Variants in TMCO6 observed in about 807,000 individuals in gnomAD.
TMCO6 encodes the protein transmembrane and coiled-coil domain-containing protein 6.
In TMCO6, 47 loss-of-function variants were observed where a neutral mutation model predicts 61.8. That is an observed-to-expected ratio of 0.76 (90% CI 0.60 to 0.97). TMCO6 has a LOEUF of 0.97. Ranked by LOEUF, TMCO6 falls within the 50% of genes least tolerant of loss-of-function variation. The pLI is 0.00. For synonymous variants in TMCO6, 261 were observed against 254.2 expected (o/e 1.03, Z -0.25); for missense variants, 557 against 601.6 (o/e 0.93, Z 0.78).
At chr5:140,643,360 C>G in intron 7 of TMCO6, 2 of 611,304 alleles carry the variant, frequency 3.3e-6, no homozygotes, top group Non-Finnish European at 5.7e-6. Context: ...CTATGCCCGG[C>G]TAATTTTTGT....
chr5:140,631,870 G>T, the TMCO6 span: 1 of 1,563,200 alleles, frequency 6.4e-7, no homozygotes, highest in Middle Eastern at 1.7e-4. Flanking sequence ...GCAAAGCCCC[G>T]GGCCCCTTGG....
the TMCO6 span, among the ~76,000 whole-genome samples, chr5:140,597,862 C>T: frequency 0.031 from 4,711 of 152,272 alleles, 230 homozygotes; most frequent in African/African-American, 0.1. Flanking sequence ...CTTAGAAATG[C>T]TGAAATAAAG....
the TMCO6 span, among the ~76,000 whole-genome samples, chr5:140,631,092 CAT>C: frequency 6.6e-6 from 1 of 152,218 alleles, no homozygotes; most frequent in Non-Finnish European, 1.5e-5. Context: ...AGGTTATCTG[CAT>C]ATGTGTTCTA....
chr5:140,633,511 C>G, the TMCO6 span: 1 of 263,922 alleles, frequency 3.8e-6, no homozygotes, highest in African/African-American at 2.2e-5. Context: ...CTGCACTATC[C>G]AACCCCCCAA....
At chr5:140,613,785 G>C in the TMCO6 span, among the ~76,000 whole-genome samples, 1 of 151,980 alleles carries the variant, frequency 6.6e-6, no homozygotes, top group African/African-American at 2.4e-5. Flanking sequence ...ATTGCTCATT[G>C]TAACGTCAAA....
chr5:140,644,149 G>A lies in TMCO6; in HGVS notation c.1155G>A (p.Glu385=), dbSNP rs765337121. The A allele has an allele frequency of 6.8e-6, 11 of 1,614,178 alleles. No individual in the cohort carries two copies. The highest frequency in any genetic ancestry group is 2.2e-5 in the East Asian group (1 of 44,880). Residue 385 remains glutamate, a synonymous_variant, in exon 10 of 12, where the codon GAG becomes GAA. Coordinates refer to ENST00000394671, the MANE Select transcript of TMCO6 (RefSeq NM_018502.5). Reference sequence around the variant, plus strand: ...CCTTGCTCTCCCTGGATCTGATTGAGCCTCTCTTACAGCTGTTGCCAGTAT... The same window carrying A: ...CCTTGCTCTCCCTGGATCTGATTGAACCTCTCTTACAGCTGTTGCCAGTAT... ...CTSLLSLDLI[E]PLLQLLPVSN... is the part of the protein sequence containing the mutation.
rs761014726 is a variant in TMCO6 at position 140,642,652 on chromosome 5, G to A, written c.670G>A (p.Ala224Thr). ...GTCCCAGCTTCTACAGGCTGAGGAA[G>A]CTCCAGAGAAGATCATTCCGTGAGT... ...ALSQLLQAEEAPEKIIPSILA... is the reference protein window; with the variant it reads ...ALSQLLQAEETPEKIIPSILA... Residue 224 changes from alanine to threonine, a missense_variant, in exon 6 of 12, where the codon GCT becomes ACT. Coordinates refer to ENST00000394671, the MANE Select transcript of TMCO6 (RefSeq NM_018502.5). The A allele has an allele frequency of 5.0e-6, 8 of 1,614,106 alleles. No individual in the cohort carries two copies.
chr5:140,642,646 G>A lies in TMCO6; in HGVS notation c.664G>A (p.Glu222Lys). Reference protein sequence around the residue: ...GYALSQLLQAEEAPEKIIPSI... With the variant: ...GYALSQLLQAKEAPEKIIPSI... ...TGCCTTGTCCCAGCTTCTACAGGCT[G>A]AGGAAGCTCCAGAGAAGATCATTCC... The change falls in exon 6 of 12, where the codon GAG (glutamate) becomes AAG (lysine). Residue 222 changes from glutamate (E) to lysine (K), a missense_variant. Coordinates refer to ENST00000394671, the MANE Select transcript of TMCO6 (RefSeq NM_018502.5). The A allele has an allele frequency of 6.2e-7, 1 of 1,614,216 alleles. No individual in the cohort carries two copies. The highest frequency in any genetic ancestry group is 8.5e-7 in the Non-Finnish European group (1 of 1,180,034).
At chr5:140,602,802 A>AT in the TMCO6 span, among the ~76,000 whole-genome samples, 1 of 151,568 alleles carries the variant, frequency 6.6e-6, no homozygotes. Flanking sequence ...ACAAAAAAAA[A>AT]GGAAAGGAAA....
At chr5:140,607,678 G>T in the TMCO6 span, among the ~76,000 whole-genome samples, 3 of 151,744 alleles carry the variant, frequency 2.0e-5, no homozygotes, top group East Asian at 5.8e-4. Context: ...ATTTATGAGG[G>T]TTCCTTCTTC....
the TMCO6 span, among the ~76,000 whole-genome samples, chr5:140,608,224 C>G: frequency 6.6e-6 from 1 of 152,024 alleles, no homozygotes; most frequent in Non-Finnish European, 1.5e-5. Context: ...TTTAATTTGC[C>G]TGTTTGTTTT....
chr5:140,604,504 T>C, the TMCO6 span, among the ~76,000 whole-genome samples: 1 of 151,970 alleles, frequency 6.6e-6, no homozygotes. Flanking sequence ...TTTTCATAAT[T>C]TTCTCCTATT....
chr5:140,646,862 G>A (rs1233250077), downstream of TMCO6, among the ~76,000 whole-genome samples: 1 of 152,164 alleles, frequency 6.6e-6, no homozygotes. Context: ...GATTAAATGA[G>A]TTAGGCAGGG....
the TMCO6 span, among the ~76,000 whole-genome samples, chr5:140,610,316 C>T: frequency 6.6e-6 from 1 of 151,964 alleles, no homozygotes; most frequent in South Asian, 2.1e-4. Flanking sequence ...GAGATCATGC[C>T]ACTCCACTCC....
At chr5:140,618,817 A>G in the TMCO6 span, among the ~76,000 whole-genome samples, 1 of 152,226 alleles carries the variant, frequency 6.6e-6, no homozygotes, top group Non-Finnish European at 1.5e-5. Flanking sequence ...TTTGAAAAAA[A>G]TTAACTCAAA....
the TMCO6 span, among the ~76,000 whole-genome samples, chr5:140,607,570 A>T: frequency 6.6e-6 from 1 of 152,168 alleles, no homozygotes; most frequent in Non-Finnish European, 1.5e-5. Flanking sequence ...GAGTACAATT[A>T]TTGGATTATA....
Position 140,643,890 on chromosome 5 carries a change from T to C in TMCO6, c.1029T>C (p.Phe343=). The change falls in exon 9 of 12, where the codon TTT becomes TTC. Residue 343 remains phenylalanine, a synonymous_variant. Coordinates refer to ENST00000394671, the MANE Select transcript of TMCO6 (RefSeq NM_018502.5). ...ATGAGCGTGTTGTGGCAGCCTTATT[T>C]ATCCTTCTGCAGTTCTTTTTCCAGA... ...LRDERVVAAL[F]ILLQFFFQKQ... is the part of the protein sequence containing the mutation. 1.2e-6 allele frequency: 2 copies of C among 1,614,206 alleles called. No homozygotes were observed. The highest frequency in any genetic ancestry group is 1.7e-6 in the Non-Finnish European group (2 of 1,180,038).
chr5:140,645,817 A>G (rs886091756), downstream of TMCO6: 44 of 1,407,670 alleles, frequency 3.1e-5, no homozygotes, highest in Non-Finnish European at 4.2e-5. Flanking sequence ...TACATTTGGT[A>G]TGCCTAGAAT....
chr5:140,641,656 G>C lies in TMCO6; in HGVS notation c.199-9G>C. 6.2e-7 allele frequency: 1 copy of C among 1,612,898 alleles called. No homozygotes were observed. ...CCGTGTGTTCTCCTTTCCCTGCCCTGAACTCCAGGTGCAGCAGTTCCTGCG... is the reference window on the plus strand; with the variant it reads ...CCGTGTGTTCTCCTTTCCCTGCCCTCAACTCCAGGTGCAGCAGTTCCTGCG... On this transcript the variant is annotated splice_polypyrimidine_tract_variant and intron_variant, in intron 2 of 11. Coordinates refer to ENST00000394671, the MANE Select transcript of TMCO6 (RefSeq NM_018502.5).
Sources: allele counts gnomAD v4.1 joint callset (sites outside exome capture counted in the v4.1 genomes callset), GRCh38; gene constraint gnomAD v4.1.1; transcripts MANE v1.5; gene names NCBI Gene and HGNC (gene_info 2026-07-23, HGNC 2026-07-21).